PDE10A: variants seen among roughly 807,000 people sequenced by gnomAD.
PDE10A encodes phosphodiesterase 10A.
In PDE10A, 39 loss-of-function variants were observed where a neutral mutation model predicts 97.7. The ratio of observed to expected loss-of-function variants is 0.40; its 90% CI spans 0.31 to 0.52. The LOEUF (loss-of-function observed/expected upper bound fraction) is 0.52, where lower values mean the gene tolerates loss of function less well. Among genes scored for constraint, PDE10A ranks in the 20% least tolerant of loss-of-function variants. PDE10A has a pLI of 0.56. For synonymous variants in PDE10A, 371 were observed against 376.8 expected (o/e 0.98, Z 0.18); for missense variants, 731 against 1,047.8 (o/e 0.70, Z 4.17).
At chr6:165,440,671 AGCTTT>A (rs1293934064) in intron 5 of PDE10A, among the ~76,000 whole-genome samples, 1 of 152,158 alleles carries the variant, frequency 6.6e-6, no homozygotes, top group Non-Finnish European at 1.5e-5. Flanking sequence ...TGTCTCTTTT[AGCTTT>A]AACACTCTAT....
intron 1 of PDE10A, among the ~76,000 whole-genome samples, chr6:165,597,305 G>C (rs921611531): frequency 6.1e-5 from 6 of 99,042 alleles, no homozygotes; most frequent in Middle Eastern, 5.1e-3. Context: ...AAATTATCCT[G>C]GTGGATTAAG....
At chr6:165,817,312 A>G (rs36003873) in intron 1 of PDE10A, among the ~76,000 whole-genome samples, 14,240 of 152,152 alleles carry the variant, frequency 0.094, 697 homozygotes, top group Non-Finnish European at 0.1. Context: ...CACTGGCCCC[A>G]TAGGGTCAAG....
At chr6:165,541,833 C>T (rs1457990991) in intron 2 of PDE10A, among the ~76,000 whole-genome samples, 3 of 152,158 alleles carry the variant, frequency 2.0e-5, no homozygotes, top group African/African-American at 7.2e-5. Flanking sequence ...TCAATCCACA[C>T]TTACAGGCAT....
Position 165,418,886 on chromosome 6 carries a change from G to A in PDE10A, c.1654-109C>T, listed in dbSNP as rs1414064454. 2.5e-6 allele frequency: 2 copies of A among 790,344 alleles called. No homozygotes were observed. The highest frequency in any genetic ancestry group is 4.1e-6 in the Non-Finnish European group (2 of 484,934). The allele number at this position is 790,344 out of a possible 1,614,324, so 49.0% of individuals were successfully genotyped here. ...ATTTCAGCTGTCCTATACTCTAATT[G>A]GTTGGTATTAGCATTATAAGTAAAT... On this transcript the variant is annotated intron_variant, in intron 10 of 21. Transcript: ENST00000539869. The surrounding 1 kb of genome is among the most constrained non-coding windows in gnomAD (Gnocchi z 4.8).
chr6:165,726,429 T>C (rs955652759), intron 1 of PDE10A, among the ~76,000 whole-genome samples: 1 of 152,194 alleles, frequency 6.6e-6, no homozygotes, highest in Non-Finnish European at 1.5e-5. Context: ...TTAATAAGCA[T>C]AGCTGGTTTT....
chr6:165,896,943 T>C (rs1325097116), intron 1 of PDE10A, among the ~76,000 whole-genome samples: 1 of 152,112 alleles, frequency 6.6e-6, no homozygotes, highest in Non-Finnish European at 1.5e-5. Flanking sequence ...GTGCTGGGAT[T>C]ACATGCATGA....
Position 165,671,789 on chromosome 6 carries a change from G to T in PDE10A, c.-614-128221C>A, listed in dbSNP as rs1790654946. ...GTGTGTGTGTGCTTTATTCTCTAAG[G>T]CAGGATGTTTATATTCAGTATTCAC... On this transcript the variant is annotated intron_variant, in intron 1 of 19. Coordinates refer to the PDE10A transcript ENST00000366882. The surrounding 1 kb of genome is among the most constrained non-coding windows in gnomAD (Gnocchi z 4.6). Among the ~76,000 whole-genome samples the T allele has an allele frequency of 1.3e-5, 2 of 152,096 alleles. No individual in the cohort carries two copies. Among genetic ancestry groups the T allele is most frequent in the Admixed American group, 1.3e-4 (2 of 15,266 alleles).
At chr6:165,705,371 A>G (rs80088373) in intron 1 of PDE10A, among the ~76,000 whole-genome samples, 2,314 of 152,318 alleles carry the variant, frequency 0.015, 52 homozygotes, top group African/African-American at 0.053. Flanking sequence ...CCCACTGGTG[A>G]CTTCTGAGAC....
intron 3 of PDE10A, among the ~76,000 whole-genome samples, chr6:165,470,502 T>C (rs1310832709): frequency 6.6e-6 from 1 of 152,230 alleles, no homozygotes; most frequent in African/African-American, 2.4e-5. Flanking sequence ...CCTTAGAGGA[T>C]AAGTAAGTCA....
In PDE10A at chr6:165,413,645, C is replaced by A; in HGVS notation, c.1932G>T (p.Leu644=). The change falls in exon 13 of 22, where the codon CTG becomes CTT. Residue 644 remains leucine, a synonymous_variant. Coordinates refer to ENST00000539869, the MANE Select transcript of PDE10A (RefSeq NM_001385079.1). ...LYTGYTTRNI[L]CMPIVSRGSV... ...TGCCTCGGCTGACGATGGGCATGCA[C>A]AGGATGTTCCGCGTGGTGTAGCCTG... 1 of 1,614,164 alleles carries A rather than the reference C, an allele frequency of 6.2e-7. No individual in the cohort carries two copies. Among genetic ancestry groups the A allele is most frequent in the Non-Finnish European group, 8.5e-7 (1 of 1,180,008 alleles).
At position 165,661,811 on chromosome 6, in the gene PDE10A, C is replaced by G. The variant is rs1790279629; in HGVS notation, c.865+136G>C. 1.9e-6 allele frequency: 1 copy of G among 516,334 alleles called. No homozygotes were observed. Among genetic ancestry groups the G allele is most frequent in the African/African-American group, 2.1e-5 (1 of 48,352 alleles). 32.0% of individuals were successfully genotyped at this position (516,334 alleles called of 1,614,324 possible). ...ACCGGCTCCTGCCCCTCCAGAGAAG[C>G]CCCCTGGGCGCTCCACGCCCGGGCA... On this transcript the variant is annotated intron_variant, in intron 1 of 21. Transcript: ENST00000539869. This position sits in a 1 kb window ranked among gnomAD's most constrained non-coding sequence, Gnocchi z 4.8.
intron 13 of PDE10A, among the ~76,000 whole-genome samples, chr6:165,410,898 C>T (rs1340597578): frequency 7.9e-6 from 1 of 127,004 alleles, no homozygotes; most frequent in Admixed American, 8.1e-5. Flanking sequence ...ACCATCCTGG[C>T]TAACACGGTG....
intron 2 of PDE10A, among the ~76,000 whole-genome samples, chr6:165,522,600 C>T (rs1467651056): frequency 1.3e-5 from 2 of 151,998 alleles, no homozygotes. Context: ...ACAAACTAGG[C>T]ACTGGGAGAA....
chr6:165,954,703 C>A (rs1289485617), intron 1 of PDE10A, among the ~76,000 whole-genome samples: 1 of 152,070 alleles, frequency 6.6e-6, no homozygotes, highest in Non-Finnish European at 1.5e-5. Flanking sequence ...GCCAAGCAGC[C>A]CACCAGGGAT....
rs80129998 is a variant in PDE10A, at chr6:165,425,273, G to T, written c.1653+3385C>A. On this transcript the variant is annotated intron_variant, in intron 10 of 21. Transcript: ENST00000539869. ...AGAAAATGTCTTTGGCTAGGAAGAC[G>T]CCATATGCTGAAGATATCAATTCAA... 4.2e-3 allele frequency among the ~76,000 whole-genome samples: 637 copies of T among 152,144 alleles called. 7 individuals are homozygous for T. The highest frequency in any genetic ancestry group is 0.015 in the African/African-American group (618 of 41,502).
chr6:165,946,757 C>T (rs1266064625), intron 1 of PDE10A: 4 of 152,142 alleles, frequency 2.6e-5, no homozygotes, highest in African/African-American at 9.7e-5. Flanking sequence ...ATGACCTTCA[C>T]ATGATCAGAA....
chr6:165,710,641 C>T (rs1034535236), intron 1 of PDE10A, among the ~76,000 whole-genome samples: 3 of 152,038 alleles, frequency 2.0e-5, no homozygotes, highest in Non-Finnish European at 4.4e-5. Context: ...TGGTGGGGTT[C>T]TTAAGTTTAG....
intron 1 of PDE10A, among the ~76,000 whole-genome samples, chr6:165,709,312 C>A (rs1046250981): frequency 4.2e-5 from 6 of 144,160 alleles, no homozygotes; most frequent in Non-Finnish European, 9.2e-5. Flanking sequence ...GCGGCGCTCT[C>A]CCCCCACTCC....
intron 1 of PDE10A, among the ~76,000 whole-genome samples, chr6:165,823,973 G>T (rs6920797): frequency 0.55 from 83,578 of 152,104 alleles, 25,010 homozygotes; most frequent in East Asian, 0.88. Flanking sequence ...TACATAAAAA[G>T]GTTTCATTGG....
Sources: gnomAD v4.1 joint callset for allele counts (sites outside exome capture counted in the v4.1 genomes callset) on GRCh38, gnomAD v4.1.1 for gene constraint, Gnocchi (gnomAD v3.1) non-coding constraint, MANE v1.5 for transcripts, NCBI Gene and HGNC (gene_info 2026-07-23, HGNC 2026-07-21) for gene names.